Variants in RSRC1 observed in about 807,000 individuals in gnomAD.
RSRC1 encodes arginine and serine rich coiled-coil 1.
Under a neutral mutation model 49.1 loss-of-function variants are expected in RSRC1, and 39 were observed. That is an observed-to-expected ratio of 0.79 (90% CI 0.61 to 1.04). RSRC1 has a LOEUF of 1.04. RSRC1 is among the 50% of genes least tolerant of loss of function. RSRC1 has a pLI of 0.00. For synonymous variants in RSRC1, 143 were observed against 130.8 expected (o/e 1.09, Z -0.63); for missense variants, 388 against 402.4 (o/e 0.96, Z 0.31).
intron 6 of RSRC1, among the ~76,000 whole-genome samples, chr3:158,388,682 T>C (rs963215186): frequency 1.3e-5 from 2 of 151,042 alleles, no homozygotes; most frequent in Non-Finnish European, 2.9e-5. Context: ...AGATCTCAGC[T>C]CACTGCAAAC....
chr3:158,126,669 A>G (rs1043843709), intron 3 of RSRC1, among the ~76,000 whole-genome samples: 1 of 152,060 alleles, frequency 6.6e-6, no homozygotes, highest in African/African-American at 2.4e-5. Flanking sequence ...TACCTTTACC[A>G]GTGAGCTTTA....
chr3:158,345,965 T>C (rs1730532846), intron 5 of RSRC1, among the ~76,000 whole-genome samples: 1 of 151,838 alleles, frequency 6.6e-6, no homozygotes, highest in African/African-American at 2.4e-5. Context: ...TAGCCATATA[T>C]AGTACCCAAA....
intron 4 of RSRC1, among the ~76,000 whole-genome samples, chr3:158,231,579 CT>C (rs1412478056): frequency 5.9e-5 from 9 of 152,138 alleles, no homozygotes; most frequent in Admixed American, 1.3e-4. Flanking sequence ...TGATGCTGCT[CT>C]TTAGAAATCC....
intron 4 of RSRC1, among the ~76,000 whole-genome samples, chr3:158,257,234 A>T (rs1315304402): frequency 6.6e-6 from 1 of 152,068 alleles, no homozygotes; most frequent in Non-Finnish European, 1.5e-5. Context: ...CCCTCTACAC[A>T]CTGCTTTCAA....
chr3:158,351,290 A>G (rs1439311308), intron 5 of RSRC1, among the ~76,000 whole-genome samples: 1 of 152,246 alleles, frequency 6.6e-6, no homozygotes, highest in Non-Finnish European at 1.5e-5. Flanking sequence ...CGACAGCCCA[A>G]GAATCCTATA....
At chr3:158,398,293 C>T (rs987302032) in intron 6 of RSRC1, among the ~76,000 whole-genome samples, 1 of 151,946 alleles carries the variant, frequency 6.6e-6, no homozygotes, top group Non-Finnish European at 1.5e-5. Flanking sequence ...TGGAGGTCCA[C>T]GATATAGGCA....
intron 3 of RSRC1, among the ~76,000 whole-genome samples, chr3:158,140,319 T>C (rs1418045625): frequency 6.6e-6 from 1 of 152,222 alleles, no homozygotes; most frequent in Non-Finnish European, 1.5e-5. Context: ...CTAAAAATTT[T>C]ATTTTCCTTA....
chr3:158,136,902 G>A (rs1660542754), intron 3 of RSRC1: 2 of 152,120 alleles, frequency 1.3e-5, no homozygotes, highest in Admixed American at 1.3e-4. Context: ...ACACATATAA[G>A]TACAAGAGGT....
chr3:158,396,233 A>G (rs559529799), intron 6 of RSRC1, among the ~76,000 whole-genome samples: 2 of 152,170 alleles, frequency 1.3e-5, no homozygotes, highest in East Asian at 3.9e-4. Context: ...ACTACCTATC[A>G]GGTACTATGC....
At chr3:158,508,583 CT>C (rs1350333036) in intron 7 of RSRC1, among the ~76,000 whole-genome samples, 1 of 151,818 alleles carries the variant, frequency 6.6e-6, no homozygotes, top group Non-Finnish European at 1.5e-5. Context: ...TTACAGTGAA[CT>C]GTAGTCCAAA....
intron 4 of RSRC1, among the ~76,000 whole-genome samples, chr3:158,284,510 C>G (rs866087445): frequency 1.3e-4 from 20 of 149,506 alleles, no homozygotes; most frequent in Middle Eastern, 3.4e-3. Flanking sequence ...GTCCCACCAA[C>G]AGTGTAAAAG....
At chr3:158,388,134 G>A (rs550281029) in intron 6 of RSRC1, among the ~76,000 whole-genome samples, 1 of 151,808 alleles carries the variant, frequency 6.6e-6, no homozygotes, top group East Asian at 1.9e-4. Context: ...GACTGCTATG[G>A]AAGCTTTCTT....
At chr3:158,172,445 A>C (rs886437705) in intron 3 of RSRC1, among the ~76,000 whole-genome samples, 5 of 152,178 alleles carry the variant, frequency 3.3e-5, no homozygotes, top group Non-Finnish European at 7.4e-5. Flanking sequence ...ACAGTGTTTC[A>C]TTTTTGTGCA....
intron 7 of RSRC1, among the ~76,000 whole-genome samples, chr3:158,520,155 G>A (rs1037937145): frequency 1.1e-4 from 16 of 152,148 alleles, no homozygotes; most frequent in African/African-American, 3.4e-4. Flanking sequence ...AGGTAAACAA[G>A]TATCTTCCAC....
At chr3:158,533,085 C>T (rs1034892847) in intron 7 of RSRC1, among the ~76,000 whole-genome samples, 2 of 151,716 alleles carry the variant, frequency 1.3e-5, no homozygotes, top group African/African-American at 4.8e-5. Flanking sequence ...CAGGGTTATA[C>T]TCAAGACATA....
chr3:158,331,592 C>G (rs1341860594), intron 5 of RSRC1, among the ~76,000 whole-genome samples: 1 of 151,974 alleles, frequency 6.6e-6, no homozygotes, highest in Non-Finnish European at 1.5e-5. Flanking sequence ...CAGCCCTTCT[C>G]CCATGTGAAT....
intron 7 of RSRC1, among the ~76,000 whole-genome samples, chr3:158,503,311 C>T (rs556000588): frequency 7.6e-4 from 115 of 152,150 alleles, no homozygotes; most frequent in Admixed American, 1.4e-3. Flanking sequence ...CAATGGACTC[C>T]GTGAGGGTTC....
Position 158,393,508 on chromosome 3 carries a change from A to C in RSRC1, c.583+38600A>C, listed in dbSNP as rs537826516. On this transcript the variant is annotated intron_variant, in intron 6 of 9. Transcript: ENST00000611884. The stretch of plus-strand genomic sequence containing the variant: ...TTACTACCAACCCCACAGAAATACA[A>C]AAATCCCTCCGAGACTACTACAAAC... 2.6e-5 allele frequency among the ~76,000 whole-genome samples: 4 copies of C among 152,142 alleles called. No homozygotes were observed. The East Asian group carries it at 7.7e-4, about 29-fold the overall frequency.
At chr3:158,219,140 G>T (rs913156291) in intron 4 of RSRC1, among the ~76,000 whole-genome samples, 1 of 151,596 alleles carries the variant, frequency 6.6e-6, no homozygotes, top group Non-Finnish European at 1.5e-5. Flanking sequence ...GGGAAAAACA[G>T]AAGGATTAAA....
Sources: allele counts gnomAD v4.1 joint callset (sites outside exome capture counted in the v4.1 genomes callset), GRCh38; gene constraint gnomAD v4.1.1; transcripts MANE v1.5; gene names NCBI Gene and HGNC (gene_info 2026-07-23, HGNC 2026-07-21).